Variants in AMZ1 observed in about 807,000 individuals in gnomAD.
AMZ1 encodes the protein archaelysin family metallopeptidase 1, also known as archaemetzincin-1.
Under a neutral mutation model 29.9 loss-of-function variants are expected in AMZ1, and 39 were observed. The ratio of observed to expected loss-of-function variants is 1.30; its 90% confidence interval spans 1.01 to 1.70. The LOEUF is 1.70. Ranked by LOEUF, AMZ1 falls within the 40% of genes most tolerant of loss-of-function variation. The pLI is 0.00. For missense variants in AMZ1, 1,041 were observed against 680.6 expected, an observed-to-expected ratio of 1.53 and a Z score of -5.89; for synonymous variants, 458 against 304.0, an observed-to-expected ratio of 1.51 and a Z score of -5.27.
At chr7:2,743,253 G>C (rs1790599393) in intron 4 of AMZ1, among the ~76,000 whole-genome samples, 1 of 152,178 alleles carries the variant, frequency 6.6e-6, no homozygotes, top group East Asian at 1.9e-4. Flanking sequence ...TGACCAAGTT[G>C]GCAGTTTGGG....
intron 3 of AMZ1, among the ~76,000 whole-genome samples, chr7:2,707,285 A>G (rs1156726247): frequency 6.6e-6 from 1 of 151,548 alleles, no homozygotes; most frequent in Non-Finnish European, 1.5e-5. Flanking sequence ...TCAAAAAAAA[A>G]AAACAAAAAA....
rs1054839201 is a variant in AMZ1, at chr7:2,718,372, G to C, written c.*5494G>C. On this transcript the variant is annotated 3_prime_UTR_variant, in exon 7 of 7. Coordinates refer to ENST00000683327, the MANE Select transcript of AMZ1 (RefSeq NM_001384743.1). ...GCCCCTTCTCAGCAAAGGCCAACAC[G>C]TCTTTCTCGAGTCCAAGACCATCTC... Among the ~76,000 whole-genome samples the C allele has an allele frequency of 6.6e-6, 1 of 152,140 alleles. No homozygotes were observed. Among genetic ancestry groups the C allele is most frequent in the Non-Finnish European group, 1.5e-5 (1 of 68,010 alleles).
upstream of AMZ1, chr7:2,762,591 C>A: frequency 2.0e-6 from 3 of 1,504,312 alleles, no homozygotes; most frequent in Non-Finnish European, 2.7e-6. Context: ...CATTTACAAA[C>A]CCAAAAAAGG....
chr7:2,763,565 C>T (rs967942875), upstream of AMZ1, among the ~76,000 whole-genome samples: 1 of 152,370 alleles, frequency 6.6e-6, no homozygotes, highest in Non-Finnish European at 1.5e-5. Flanking sequence ...GTCCTGTAAT[C>T]TAAGGCTAGC....
intron 4 of AMZ1, among the ~76,000 whole-genome samples, chr7:2,736,160 T>C (rs798523): frequency 0.59 from 89,720 of 152,072 alleles, 26,702 homozygotes; most frequent in Admixed American, 0.63. Flanking sequence ...TTAGAGAAAA[T>C]GCATGTGGCA....
At position 2,708,694 on chromosome 7, in the gene AMZ1, C is replaced by T. The variant is rs894818250; in HGVS notation, c.579C>T (p.Phe193=). The T allele has an allele frequency of 6.2e-7, 1 of 1,613,000 alleles. No individual in the cohort carries two copies. The highest frequency in any genetic ancestry group is 8.5e-7 in the Non-Finnish European group (1 of 1,179,964). Residue 193 remains phenylalanine (F), a synonymous_variant, in exon 4 of 7, where the codon TTC becomes TTT. Coordinates refer to ENST00000683327, the MANE Select transcript of AMZ1 (RefSeq NM_001384743.1). ...LYPHEAWSFT[F]SKFLPGHEVG... Reference sequence around the variant, plus strand: ...CCCATGAGGCCTGGAGCTTCACCTTCAGCAAGTTCCTTCCAGGGCACGGTG... The same window carrying T: ...CCCATGAGGCCTGGAGCTTCACCTTTAGCAAGTTCCTTCCAGGGCACGGTG...
chr7:2,735,335 A>G (rs539604059), intron 4 of AMZ1, among the ~76,000 whole-genome samples: 4 of 152,310 alleles, frequency 2.6e-5, no homozygotes, highest in Admixed American at 2.6e-4. Flanking sequence ...TGGTGGCACC[A>G]GGCACGAAGG....
chr7:2,755,916 C>A (rs905235744), intron 4 of AMZ1, among the ~76,000 whole-genome samples: 1 of 152,168 alleles, frequency 6.6e-6, no homozygotes, highest in Non-Finnish European at 1.5e-5. Context: ...AGATTGAATA[C>A]CAGTCTCAAT....
Position 2,728,042 on chromosome 7 carries a change from G to C in AMZ1, n.550+18226G>C, listed in dbSNP as rs1486963996. The C allele has an allele frequency of 3.3e-5, 5 of 151,308 alleles. No homozygotes were observed. In the South Asian group the frequency reaches 6.3e-4, roughly 19 times the overall value. 9.4% of individuals were successfully genotyped at this position (151,308 alleles called of 1,614,324 possible). On this transcript the variant is annotated intron_variant and non_coding_transcript_variant, in intron 4 of 4. Transcript: ENST00000489665. ...AAAAAAAAAAAATTAGGATGAGAGT[G>C]ATCTGCTGTGAATCCTGGGGAATGA...
intron 1 of AMZ1, among the ~76,000 whole-genome samples, chr7:2,696,433 A>C (rs1317068778): frequency 6.6e-6 from 1 of 150,464 alleles, no homozygotes; most frequent in Non-Finnish European, 1.5e-5. Context: ...ATTTTTTTGT[A>C]TTTTTAGTAG....
intron 4 of AMZ1, among the ~76,000 whole-genome samples, chr7:2,740,130 C>T (rs1190442765): frequency 1.3e-5 from 2 of 152,116 alleles, no homozygotes; most frequent in Non-Finnish European, 2.9e-5. Flanking sequence ...AAACGGTGGC[C>T]ATCCTACTAG....
At chr7:2,723,216 G>A (rs1487803191), downstream of AMZ1, among the ~76,000 whole-genome samples, 1 of 152,184 alleles carries the variant, frequency 6.6e-6, no homozygotes, top group East Asian at 1.9e-4. Flanking sequence ...GGCTGTGTGG[G>A]GGCCCTGCTG....
At chr7:2,684,673 C>T (rs148025162), upstream of AMZ1, among the ~76,000 whole-genome samples, 406 of 152,228 alleles carry the variant, frequency 2.7e-3, 1 homozygote, top group South Asian at 4.6e-3. Flanking sequence ...GTGGACAGGG[C>T]GTTGGCTGAG....
At chr7:2,697,704 TG>T (rs1202061542) in intron 1 of AMZ1, among the ~76,000 whole-genome samples, 3 of 152,184 alleles carry the variant, frequency 2.0e-5, no homozygotes, top group African/African-American at 7.2e-5. Context: ...GGATTACAGG[TG>T]TGAGCCACCA....
At chr7:2,721,311 G>T (rs1001130643), downstream of AMZ1, among the ~76,000 whole-genome samples, 3 of 152,234 alleles carry the variant, frequency 2.0e-5, no homozygotes, top group Non-Finnish European at 4.4e-5. Context: ...TGTGGAAGAT[G>T]TGAGGAGGCC....
At chr7:2,728,192 A>C (rs1789706207) in intron 4 of AMZ1, 1 of 152,340 alleles carries the variant, frequency 6.6e-6, no homozygotes, top group Non-Finnish European at 1.5e-5. Flanking sequence ...GACCCTCCCA[A>C]TGTTAATACA....
rs749425336 is a variant in AMZ1, at chr7:2,700,569, G to T, written c.118G>T (p.Glu40Ter). 1 of 1,610,030 alleles carries T rather than the reference G, an allele frequency of 6.2e-7. No individual in the cohort carries two copies. Among genetic ancestry groups the T allele is most frequent in the Non-Finnish European group, 8.5e-7 (1 of 1,179,948 alleles). ...QLYVSAFSPA[E>*]RLFLAEAYNP... Reference sequence around the variant, plus strand: ...GTATGTGTCCGCCTTCTCCCCTGCCGAGCGGCTCTTCCTGGCCGAGGCCTA... The same window carrying T: ...GTATGTGTCCGCCTTCTCCCCTGCCTAGCGGCTCTTCCTGGCCGAGGCCTA... Residue 40 changes from glutamate to a stop codon, truncating the protein, a stop_gained, in exon 2 of 7, where the codon GAG becomes TAG. Transcript: ENST00000683327. LOFTEE classifies it high-confidence loss of function.
rs961386085 is a variant in AMZ1 at position 2,714,351 on chromosome 7, G to C, written c.*1473G>C. Reference sequence around the variant, plus strand: ...TGGGCTGAGGCTTCCTTGTGAATCTGACATTGGTGGAGGCCGACTGAAGGC... The same window carrying C: ...TGGGCTGAGGCTTCCTTGTGAATCTCACATTGGTGGAGGCCGACTGAAGGC... On this transcript the variant is annotated 3_prime_UTR_variant, in exon 7 of 7. Transcript: ENST00000683327. 1 of 152,406 alleles carries C rather than the reference G, an allele frequency of 6.6e-6. No homozygotes were observed. Among genetic ancestry groups the C allele is most frequent in the African/African-American group, 2.4e-5 (1 of 41,456 alleles). 9.4% of individuals were successfully genotyped at this position (152,406 alleles called of 1,614,324 possible).
At chr7:2,747,478 T>C (rs1396496422) in intron 4 of AMZ1, among the ~76,000 whole-genome samples, 1 of 152,192 alleles carries the variant, frequency 6.6e-6, no homozygotes, top group Non-Finnish European at 1.5e-5. Flanking sequence ...ACAACCTTCA[T>C]GCTAAAAACT....
Sources: allele counts gnomAD v4.1 joint callset (sites outside exome capture counted in the v4.1 genomes callset), GRCh38; gene constraint gnomAD v4.1.1; transcripts MANE v1.5; gene names NCBI Gene and HGNC (gene_info 2026-07-23, HGNC 2026-07-21).